Variants in ATL1 observed in about 807,000 individuals in gnomAD.
ATL1 encodes atlastin GTPase 1.
A neutral mutation model predicts 75.5 loss-of-function variants in ATL1; 31 were observed. The observed-to-expected ratio is 0.41, with a 90% confidence interval of 0.31 to 0.55. ATL1 has a LOEUF of 0.55. ATL1 is among the 20% of genes least tolerant of loss of function. The probability of loss-of-function intolerance (pLI) is 0.27; values close to 1 mark genes in which losing one functional copy is unlikely to be tolerated. For missense variants in ATL1, 405 were observed against 662.6 expected (o/e 0.61, Z 4.27); for synonymous variants, 226 against 233.3 (o/e 0.97, Z 0.28).
intron 1 of ATL1, among the ~76,000 whole-genome samples, chr14:50,564,343 C>T (rs1008384643): frequency 3.9e-5 from 6 of 152,098 alleles, no homozygotes; most frequent in African/African-American, 1.4e-4. Context: ...TGCAAAACTG[C>T]TTTAGAAAAA....
At chr14:50,615,237 G>C (rs976275882) in intron 8 of ATL1, among the ~76,000 whole-genome samples, 1 of 152,176 alleles carries the variant, frequency 6.6e-6, no homozygotes, top group African/African-American at 2.4e-5. Context: ...TCAAAGACAT[G>C]ACTTTTTAAC....
At chr14:50,537,381 G>A (rs186684036) in intron 1 of ATL1, among the ~76,000 whole-genome samples, 12 of 152,224 alleles carry the variant, frequency 7.9e-5, no homozygotes, top group Non-Finnish European at 1.6e-4. Flanking sequence ...TTCTGCAGGG[G>A]TAGTGCCCTC....
In ATL1 at chr14:50,535,005, C is replaced by A. The variant is rs181706714; in HGVS notation, c.-140+1638C>A. 5.9e-5 allele frequency among the ~76,000 whole-genome samples: 9 copies of A among 152,276 alleles called. No individual in the cohort carries two copies. The East Asian group carries it at 1.7e-3, about 29-fold the overall frequency. Reference sequence around the variant, plus strand: ...TGACCAGAGAGTTTCTTACAAACCACCCAGTTTCATATGACAAGGTATGGA... The same window carrying A: ...TGACCAGAGAGTTTCTTACAAACCAACCAGTTTCATATGACAAGGTATGGA... On this transcript the variant is annotated intron_variant, in intron 1 of 13. Transcript: ENST00000441560.
chr14:50,584,171 T>A (rs1238233978), intron 1 of ATL1, among the ~76,000 whole-genome samples: 2 of 151,552 alleles, frequency 1.3e-5, no homozygotes, highest in Non-Finnish European at 2.9e-5. Context: ...GTCCAGGAAT[T>A]TGAGACCAGC....
At chr14:50,592,522 G>A (rs1178674943) in intron 4 of ATL1, among the ~76,000 whole-genome samples, 1 of 138,906 alleles carries the variant, frequency 7.2e-6, no homozygotes, top group Non-Finnish European at 1.6e-5. Context: ...ATTAAATAAA[G>A]GACTTTAAAG....
rs1060197 is a variant in ATL1, at chr14:50,591,009, G to A, written c.351G>A (p.Glu117=). 0.74 allele frequency: 1,195,515 copies of A among 1,613,442 alleles called. 445,619 individuals are homozygous for A. Among genetic ancestry groups the A allele is most frequent in the African/African-American group, 0.93 (70,005 of 75,014 alleles). The change falls in exon 3 of 14, where the codon GAG becomes GAA. Residue 117 remains glutamate (E), a synonymous_variant. Coordinates refer to ENST00000358385, the MANE Select transcript of ATL1 (RefSeq NM_015915.5). ...GTTTTTCATGGAGAGGTGGATCTGA[G>A]CGAGAGACCACAGGAATTCAGATAT... ...LTGFSWRGGS[E]RETTGIQIWS...
intron 1 of ATL1, among the ~76,000 whole-genome samples, chr14:50,581,009 A>T (rs189494006): frequency 4.7e-4 from 71 of 152,060 alleles, no homozygotes; most frequent in Admixed American, 1.4e-3. Flanking sequence ...ATATTATTTT[A>T]AAAAATCTGT....
chr14:50,537,359 C>T (rs1156756146), intron 1 of ATL1, among the ~76,000 whole-genome samples: 1 of 152,214 alleles, frequency 6.6e-6, no homozygotes, highest in Non-Finnish European at 1.5e-5. Flanking sequence ...CCTGGATGTC[C>T]AGGCAGAAGT....
intron 1 of ATL1, among the ~76,000 whole-genome samples, chr14:50,574,937 G>GTGTGTATATA (rs1475087119): frequency 3.1e-3 from 71 of 23,142 alleles, no homozygotes; most frequent in Non-Finnish European, 4.9e-3. Flanking sequence ...GTGTGTGTGT[G>GTGTGTATATA]TATATATATA....
intron 6 of ATL1, among the ~76,000 whole-genome samples, chr14:50,602,296 G>A (rs1435483631): frequency 6.6e-6 from 1 of 152,164 alleles, no homozygotes; most frequent in Non-Finnish European, 1.5e-5. Flanking sequence ...GTTCTGCTGG[G>A]CTGTGGTGGT....
intron 8 of ATL1, 75 bp from the exon 9 acceptor site, chr14:50,620,524 A>G: frequency 6.6e-7 from 1 of 1,510,280 alleles, no homozygotes; most frequent in Non-Finnish European, 9.1e-7. Context: ...GGGGAGATCA[A>G]AGGATGTTTT....
At chr14:50,582,995 A>C (rs1022610292) in intron 1 of ATL1, among the ~76,000 whole-genome samples, 1 of 152,186 alleles carries the variant, frequency 6.6e-6, no homozygotes, top group Non-Finnish European at 1.5e-5. Flanking sequence ...TATTTGATAA[A>C]ATTCATTATT....
intron 1 of ATL1, among the ~76,000 whole-genome samples, chr14:50,552,966 C>T (rs927548765): frequency 6.6e-6 from 1 of 152,058 alleles, no homozygotes; most frequent in African/African-American, 2.4e-5. Context: ...GAATTCATGA[C>T]TAAGAATCCG....
intron 1 of ATL1, among the ~76,000 whole-genome samples, chr14:50,545,152 AC>A (rs1230938130): frequency 6.6e-6 from 1 of 152,080 alleles, no homozygotes; most frequent in Admixed American, 6.6e-5. Context: ...TTGCTCAAAC[AC>A]AGTAGGCAAA....
intron 1 of ATL1, among the ~76,000 whole-genome samples, chr14:50,562,362 G>T (rs1566714841): frequency 6.6e-6 from 1 of 152,112 alleles, no homozygotes; most frequent in Non-Finnish European, 1.5e-5. Context: ...TTCTTATGTA[G>T]TGGGAGTTTT....
intron 11 of ATL1, 80 bp downstream of exon 11, chr14:50,623,328 T>G: frequency 8.7e-7 from 1 of 1,153,286 alleles, no homozygotes; most frequent in Non-Finnish European, 1.3e-6. Flanking sequence ...TTCTTCCATG[T>G]TACACTGTAC....
In ATL1 at chr14:50,629,909, A is replaced by G. The variant is rs946452192; in HGVS notation, c.1552-86A>G. The G allele has an allele frequency of 3.8e-6, 4 of 1,058,492 alleles. No individual in the cohort carries two copies. In the African/African-American group the frequency reaches 5.1e-5, roughly 14 times the overall value. 65.6% of individuals were successfully genotyped at this position (1,058,492 alleles called of 1,614,324 possible). A position where few individuals can be genotyped will look rare whatever the true frequency, so the allele number is the denominator to read the frequency against. On this transcript the variant is annotated intron_variant, in intron 12 of 13. Coordinates refer to ENST00000358385, the MANE Select transcript of ATL1 (RefSeq NM_015915.5). ...TCTGTTCTGAAATGCTCACAAATTAATATTGTAAGCAAAGTTGATTATAAT... is the reference window on the plus strand; with the variant it reads ...TCTGTTCTGAAATGCTCACAAATTAGTATTGTAAGCAAAGTTGATTATAAT...
rs1019403998 is a variant in ATL1, at chr14:50,632,803, C to T, written c.*464C>T. On this transcript the variant is annotated 3_prime_UTR_variant, in exon 14 of 14. Transcript: ENST00000358385. ...TGTATCATCTTATATATATCACAAT[C>T]TTATTTTTAAGCACATTTTAGAGTT... The T allele has an allele frequency of 2.5e-5, 4 of 157,230 alleles. No individual in the cohort carries two copies. The highest frequency in any genetic ancestry group is 5.6e-5 in the Non-Finnish European group (4 of 70,946). The allele number at this position is 157,230 out of a possible 1,614,324, so 9.7% of individuals were successfully genotyped here. A position where few individuals can be genotyped will look rare whatever the true frequency, so the allele number is the denominator to read the frequency against.
At chr14:50,538,561 C>T (rs556267467) in intron 1 of ATL1, among the ~76,000 whole-genome samples, 10 of 152,320 alleles carry the variant, frequency 6.6e-5, no homozygotes, top group South Asian at 2.1e-4. Flanking sequence ...GGTTTCCTCA[C>T]GCAATAACAG....
Sources: allele counts gnomAD v4.1 joint callset (sites outside exome capture counted in the v4.1 genomes callset), GRCh38; gene constraint gnomAD v4.1.1; transcripts MANE v1.5; gene names NCBI Gene and HGNC (gene_info 2026-07-23, HGNC 2026-07-21).